SYNE1: variants seen among roughly 807,000 people sequenced by gnomAD.
SYNE1 encodes the protein nesprin-1.
In SYNE1, 616 loss-of-function variants were observed where a neutral mutation model predicts 1,111.0. That is an observed-to-expected ratio of 0.55 (90% CI 0.52 to 0.59). The LOEUF (loss-of-function observed/expected upper bound fraction) is 0.59, where lower values mean the gene tolerates loss of function less well. Among genes scored for constraint, SYNE1 ranks in the 20% least tolerant of loss-of-function variants. The pLI is 0.00. For missense variants in SYNE1, 10,006 were observed against 10,417.0 expected (o/e 0.96, Z 1.72); for synonymous variants, 3,855 against 3,825.8 (o/e 1.01, Z -0.28).
chr6:152,471,760 T>C lies in SYNE1; in HGVS notation c.1469A>G (p.His490Arg), dbSNP rs1387424332. Residue 490 changes from histidine (H) to arginine (R), a missense_variant, in exon 16 of 146, where the codon CAT (histidine) becomes CGT (arginine). His to Arg is a conservative substitution (Grantham distance 29, BLOSUM62 0). This residue lies in a region of SYNE1 where 1,971 missense variants were observed against 2,084.1 expected (regional missense o/e 0.95). Transcript: ENST00000367255. The part of the protein sequence containing the change: ...DQLEDMAERF[H>R]FVSSTSELHL... ...TAGCTCTGATGTGGAGGAAACAAAA[T>C]GAAACCTAGAAATAAAACAGGGAGA... is the stretch of plus-strand genomic sequence containing the variant. 1.9e-6 allele frequency: 3 copies of C among 1,613,492 alleles called. No homozygotes were observed. Among genetic ancestry groups the C allele is most frequent in the Admixed American group, 1.7e-5 (1 of 59,990 alleles).
chr6:152,530,566 C>T (rs1411909689), intron 4 of SYNE1, among the ~76,000 whole-genome samples: 1 of 150,484 alleles, frequency 6.6e-6, no homozygotes, highest in Non-Finnish European at 1.5e-5. Context: ...CAAAAAATTC[C>T]AGAAAGAAAC....
chr6:152,232,752 G>A (rs1234225300), intron 112 of SYNE1, among the ~76,000 whole-genome samples: 1 of 152,170 alleles, frequency 6.6e-6, no homozygotes, highest in African/African-American at 2.4e-5. Context: ...AATTTCCTCA[G>A]CCCTTAGCTG....
At chr6:152,465,052 T>G in intron 18 of SYNE1, 1 of 603,218 alleles carries the variant, frequency 1.7e-6, no homozygotes, top group Admixed American at 2.6e-5. Context: ...TTGCTGCCCA[T>G]TGGATTTACT....
At chr6:152,420,555 G>A (rs529511186) in intron 39 of SYNE1, among the ~76,000 whole-genome samples, 1 of 152,306 alleles carries the variant, frequency 6.6e-6, no homozygotes, top group African/African-American at 2.4e-5. Context: ...AGGAGGTAGA[G>A]GTTCCTGTGA....
At chr6:152,389,380 A>C (rs890097623) in intron 53 of SYNE1, among the ~76,000 whole-genome samples, 1 of 152,100 alleles carries the variant, frequency 6.6e-6, no homozygotes, top group Non-Finnish European at 1.5e-5. Context: ...AGGAGGCACC[A>C]GTGTCTGTTA....
chr6:152,494,593 A>C (rs2098989115), intron 11 of SYNE1, among the ~76,000 whole-genome samples: 1 of 152,154 alleles, frequency 6.6e-6, no homozygotes, highest in Non-Finnish European at 1.5e-5. Flanking sequence ...TCATTGCCTT[A>C]ACTCAGGCCC....
chr6:152,310,506 A>C lies in SYNE1; in HGVS notation c.16909T>G (p.Phe5637Val), dbSNP rs1267969296. 1.9e-6 allele frequency: 3 copies of C among 1,613,854 alleles called. No homozygotes were observed. Among genetic ancestry groups the C allele is most frequent in the Non-Finnish European group, 2.5e-6 (3 of 1,180,006 alleles). Residue 5637 changes from phenylalanine (F) to valine (V), a missense_variant, in exon 89 of 146, where the codon TTT becomes GTT. Coordinates refer to ENST00000367255, the MANE Select transcript of SYNE1 (RefSeq NM_182961.4). Reference protein sequence around the residue: ...LQDAAKDMKKFEAELKKLQAA... With the variant: ...LQDAAKDMKKVEAELKKLQAA... Reference sequence around the variant, plus strand: ...TGTAACTTTTTCAACTCTGCTTCAAATTTTTTCATATCCTAGAGAGTCAAT... The same window carrying C: ...TGTAACTTTTTCAACTCTGCTTCAACTTTTTTCATATCCTAGAGAGTCAAT...
In SYNE1 at chr6:152,132,172, C is replaced by T; in HGVS notation, c.26044G>A (p.Gly8682Arg). Reference sequence around the variant, plus strand: ...CTTCCTGATGTGGGACTCACAGACCCTGAGGTGTCCAGTTCATCAGCAGAA... The same window carrying T: ...CTTCCTGATGTGGGACTCACAGACCTTGAGGTGTCCAGTTCATCAGCAGAA... ...WSSADELDTS[G>R]SVSPTSGRST... Residue 8682 changes from glycine (G) to arginine (R), a missense_variant, in exon 144 of 146, where the codon GGG becomes AGG. By Grantham distance (125) the Gly-to-Arg change is moderately radical. Transcript: ENST00000367255. 2 of 1,614,160 alleles carry T rather than the reference C, an allele frequency of 1.2e-6. No homozygotes were observed. Among genetic ancestry groups the T allele is most frequent in the Non-Finnish European group, 1.7e-6 (2 of 1,180,020 alleles).
chr6:152,296,711 A>T (rs1228984220), intron 93 of SYNE1, among the ~76,000 whole-genome samples: 2 of 152,230 alleles, frequency 1.3e-5, no homozygotes, highest in African/African-American at 4.8e-5. Flanking sequence ...CTCTTCATGA[A>T]GATAGAGAGA....
intron 14 of SYNE1, 129 bp downstream of exon 14, chr6:152,482,956 G>T: frequency 2.0e-6 from 2 of 1,024,632 alleles, no homozygotes; most frequent in Non-Finnish European, 3.1e-6. Context: ...ACTCTAAGAA[G>T]GTGTGACGTC....
At chr6:152,268,006 A>G (rs185540317) in intron 100 of SYNE1, 50 bp downstream of exon 100, 1 of 1,497,120 alleles carries the variant, frequency 6.7e-7, no homozygotes, top group East Asian at 2.3e-5. Flanking sequence ...CTTTTCTTCA[A>G]ATGTCAGGGA....
intron 109 of SYNE1, 144 bp downstream of exon 109, chr6:152,236,673 A>T: frequency 1.8e-6 from 2 of 1,098,400 alleles, no homozygotes; most frequent in Middle Eastern, 2.3e-4. Flanking sequence ...AACTATAAAT[A>T]ACAGAAACAT....
intron 58 of SYNE1, 53 bp from the exon 59 acceptor site, chr6:152,373,272 T>C (rs899726049): frequency 7.3e-6 from 11 of 1,513,432 alleles, no homozygotes; most frequent in Non-Finnish European, 8.9e-6. Flanking sequence ...GTGTTGTTTC[T>C]ATTTTTTCTT....
intron 131 of SYNE1, among the ~76,000 whole-genome samples, chr6:152,160,061 C>T (rs2062143968): frequency 6.6e-6 from 1 of 151,908 alleles, no homozygotes; most frequent in South Asian, 2.1e-4. Context: ...AGCTAGAGTA[C>T]AGTGGCGCGA....
At chr6:152,125,497 T>C (rs146391807) in intron 145 of SYNE1, 65 of 1,164,226 alleles carry the variant, frequency 5.6e-5, no homozygotes, top group Admixed American at 4.0e-4. Context: ...AATGATTCAA[T>C]GGTTTGCCTT....
chr6:152,204,401 G>A (rs1408367712), intron 126 of SYNE1, among the ~76,000 whole-genome samples: 1 of 149,378 alleles, frequency 6.7e-6, no homozygotes, highest in Non-Finnish European at 1.5e-5. Context: ...AAGAAAGAAA[G>A]ATAAAAAAGA....
intron 136 of SYNE1, 119 bp downstream of exon 136, chr6:152,149,358 T>G: frequency 8.2e-7 from 1 of 1,222,232 alleles, no homozygotes; most frequent in Non-Finnish European, 1.2e-6. Flanking sequence ...AAGCTAGGAC[T>G]TGAACTCAGG....
rs973985274 is a variant in SYNE1, at chr6:152,306,903, CAAAAAAAAAAA to C, written c.17346+1575_17346+1585del. Among the ~76,000 whole-genome samples the C allele has an allele frequency of 1.5e-4, 9 of 60,588 alleles. No individual in the cohort carries two copies. In the East Asian group the frequency reaches 4.4e-3, roughly 30 times the overall value. The allele number at this position is 60,588 out of a possible 152,430, so 39.7% of individuals were successfully genotyped here. A position where few individuals can be genotyped will look rare whatever the true frequency, so the allele number is the denominator to read the frequency against. On this transcript the variant is annotated intron_variant, in intron 91 of 145. Transcript: ENST00000367255. Reference sequence around the variant, plus strand: ...TGGATGATACAGCAAGACTGTGTCTCAAAAAAAAAAAAAAAAAAAAAGCACAAGTTTCTTGG... The same window carrying C: ...TGGATGATACAGCAAGACTGTGTCTCAAAAAAAAAAGCACAAGTTTCTTGG...
rs1237053788 is a variant in SYNE1 at position 152,330,120 on chromosome 6, C to G, written c.14565G>C (p.Arg4855Ser). 11 of 1,614,088 alleles carry G rather than the reference C, an allele frequency of 6.8e-6. No individual in the cohort carries two copies. Among genetic ancestry groups the G allele is most frequent in the East Asian group, 2.2e-5 (1 of 44,888 alleles). ...CCCCTTGCCAGGACTGGATCTGATG[C>G]CTGGCTTTCTCATAAGCCAAGGGGT... The part of the protein sequence containing the change: ...HLDPLAYEKA[R>S]HQIQSWQGEL... The change falls in exon 78 of 146, where the codon AGG becomes AGC. Residue 4855 changes from arginine (R) to serine (S), a missense_variant. Coordinates refer to ENST00000367255, the MANE Select transcript of SYNE1 (RefSeq NM_182961.4).
Sources: allele counts gnomAD v4.1 joint callset (sites outside exome capture counted in the v4.1 genomes callset), GRCh38; gene constraint gnomAD v4.1.1; regional missense constraint gnomAD v4.1.1; transcripts MANE v1.5; gene names NCBI Gene and HGNC (gene_info 2026-07-23, HGNC 2026-07-21).